MXI1: variants seen among roughly 807,000 people sequenced by gnomAD.
The protein encoded by MXI1 is MAX interactor 1, dimerization protein.
MXI1 carries 18 observed loss-of-function variants against 36.9 expected under a neutral mutation model. The ratio of observed to expected loss-of-function variants is 0.49; its 90% CI spans 0.34 to 0.72. The LOEUF (loss-of-function observed/expected upper bound fraction) is 0.72. Ranked by LOEUF, MXI1 falls within the 30% of genes least tolerant of loss-of-function variation. The pLI is 0.01. For missense variants in MXI1, 304 were observed against 379.1 expected (o/e 0.80, Z 1.64); for synonymous variants, 160 against 146.7 (o/e 1.09, Z -0.65).
chr10:110,233,251 A>T (rs1413829280), intron 2 of MXI1, among the ~76,000 whole-genome samples: 1 of 152,208 alleles, frequency 6.6e-6, no homozygotes, highest in Non-Finnish European at 1.5e-5. Context: ...AAACTGTAGA[A>T]TAAAGAAATG....
Position 110,228,272 on chromosome 10 carries a change from C to G in MXI1, c.358C>G (p.Arg120Gly). The G allele has an allele frequency of 6.2e-7, 1 of 1,614,132 alleles. No individual in the cohort carries two copies. The highest frequency in any genetic ancestry group is 8.5e-7 in the Non-Finnish European group (1 of 1,180,028). The change falls in exon 2 of 6, where the codon CGG (arginine) becomes GGG (glycine). Residue 120 changes from arginine to glycine, a missense_variant. Coordinates refer to ENST00000332674, the MANE Select transcript of MXI1 (RefSeq NM_130439.3). The part of the protein sequence containing the change: ...QHSKPPRRLS[R>G]AQKHSSGSSN... Reference sequence around the variant, plus strand: ...TTCAAAGCCCCCACGGAGGTTGAGCCGGGCACAGAAACACAGCAGCGGGAG... The same window carrying G: ...TTCAAAGCCCCCACGGAGGTTGAGCGGGGCACAGAAACACAGCAGCGGGAG...
At chr10:110,276,520 C>G (rs1262631015) in intron 3 of MXI1, among the ~76,000 whole-genome samples, 1 of 152,114 alleles carries the variant, frequency 6.6e-6, no homozygotes, top group African/African-American at 2.4e-5. Flanking sequence ...TTCTGTTGTC[C>G]TTGATATCTG....
At chr10:110,230,308 T>A (rs1226622741) in intron 2 of MXI1, among the ~76,000 whole-genome samples, 1 of 152,208 alleles carries the variant, frequency 6.6e-6, no homozygotes, top group Non-Finnish European at 1.5e-5. Flanking sequence ...AGTGTCTCTG[T>A]TAGGATTCTA....
At chr10:110,208,818 CG>C (rs1347559686) in intron 1 of MXI1, among the ~76,000 whole-genome samples, 7 of 151,902 alleles carry the variant, frequency 4.6e-5, no homozygotes, top group African/African-American at 1.5e-4. Context: ...GTCCTGAGCC[CG>C]GGAAACTTGG....
intron 3 of MXI1, chr10:110,256,969 A>G (rs889798168): frequency 6.6e-6 from 1 of 152,232 alleles, no homozygotes; most frequent in African/African-American, 2.4e-5. Flanking sequence ...TGGTATGAGT[A>G]TTTAATAATG....
intron 3 of MXI1, among the ~76,000 whole-genome samples, chr10:110,263,597 T>C (rs80035400): frequency 5.9e-4 from 90 of 152,310 alleles, no homozygotes; most frequent in Non-Finnish European, 1.2e-3. Context: ...TGAAAACCTT[T>C]CCTTAGAATT....
chr10:110,225,891 C>T (rs1385467106), intron 1 of MXI1: 14 of 551,014 alleles, frequency 2.5e-5, no homozygotes, highest in Non-Finnish European at 3.2e-5. Flanking sequence ...TCCCGGCAGC[C>T]GCGGGCGGGT....
At position 110,286,135 on chromosome 10, in the gene MXI1, A is replaced by G. The variant is rs563145045; in HGVS notation, c.*1148A>G. On this transcript the variant is annotated 3_prime_UTR_variant, in exon 6 of 6. Coordinates refer to ENST00000332674, the MANE Select transcript of MXI1 (RefSeq NM_130439.3). ...GTTTTTAGAATCATTACCTTTTACCAGCTTTTAACCATCTGATATCTATAG... is the reference window on the plus strand; with the variant it reads ...GTTTTTAGAATCATTACCTTTTACCGGCTTTTAACCATCTGATATCTATAG... The G allele has an allele frequency of 2.0e-5, 3 of 152,730 alleles. No homozygotes were observed. In the South Asian group the frequency reaches 6.2e-4, roughly 32 times the overall value. The allele number at this position is 152,730 out of a possible 1,614,324, so 9.5% of individuals were successfully genotyped here.
At position 110,264,938 on chromosome 10, in the gene MXI1, T is replaced by C. The variant is rs900553858; in HGVS notation, c.438-14242T>C. On this transcript the variant is annotated intron_variant, in intron 3 of 5. Coordinates refer to ENST00000332674, the MANE Select transcript of MXI1 (RefSeq NM_130439.3). ...TGGTTAGTGCTTTATGTTAAAAATTTTTTTTTTTTCAAATGGTGGTCCTCG... is the reference window on the plus strand; with the variant it reads ...TGGTTAGTGCTTTATGTTAAAAATTCTTTTTTTTTCAAATGGTGGTCCTCG... Among the ~76,000 whole-genome samples, 7 of 152,192 alleles carry C rather than the reference T, an allele frequency of 4.6e-5. No individual in the cohort carries two copies. The South Asian group carries it at 1.4e-3, about 31-fold the overall frequency.
intron 1 of MXI1, chr10:110,227,239 C>G: frequency 3.6e-6 from 2 of 553,680 alleles, no homozygotes; most frequent in Non-Finnish European, 4.1e-6. Context: ...GGATGGTGCG[C>G]GGGGGGGAGG....
At chr10:110,264,363 A>C (rs1424045125) in intron 3 of MXI1, among the ~76,000 whole-genome samples, 1 of 147,642 alleles carries the variant, frequency 6.8e-6, no homozygotes, top group East Asian at 2.0e-4. Flanking sequence ...ATATATTAGT[A>C]ATTGATTTTT....
chr10:110,274,576 T>C (rs1350561202), intron 3 of MXI1, among the ~76,000 whole-genome samples: 1 of 152,224 alleles, frequency 6.6e-6, no homozygotes, highest in Non-Finnish European at 1.5e-5. Flanking sequence ...ATGTGTTAAA[T>C]AAAAATAAAG....
chr10:110,209,056 C>A (rs1854440323), intron 1 of MXI1, among the ~76,000 whole-genome samples: 1 of 110,144 alleles, frequency 9.1e-6, no homozygotes. Context: ...GTGCTGGGAA[C>A]CCCACCCTGG....
In MXI1 at chr10:110,285,055, A is replaced by C. The variant is rs912760686; in HGVS notation, c.*68A>C. ...GCCAATTCAATACAAACAATCTCTTAAATTGGGTTCATGATGCAGTCTCCT... is the reference window on the plus strand; with the variant it reads ...GCCAATTCAATACAAACAATCTCTTCAATTGGGTTCATGATGCAGTCTCCT... On this transcript the variant is annotated 3_prime_UTR_variant, in exon 6 of 6. Coordinates refer to ENST00000332674, the MANE Select transcript of MXI1 (RefSeq NM_130439.3). 6.9e-7 allele frequency: 1 copy of C among 1,455,108 alleles called. No individual in the cohort carries two copies. The highest frequency in any genetic ancestry group is 1.4e-5 in the African/African-American group (1 of 69,940). The allele number at this position is 1,455,108 out of a possible 1,614,324, so 90.1% of individuals were successfully genotyped here. A position where few individuals can be genotyped will look rare whatever the true frequency, so the allele number is the denominator to read the frequency against.
At chr10:110,218,777 G>C (rs1256040199) in intron 1 of MXI1, among the ~76,000 whole-genome samples, 1 of 152,150 alleles carries the variant, frequency 6.6e-6, no homozygotes, top group Non-Finnish European at 1.5e-5. Context: ...GGCTTATTAG[G>C]CTTCCTGGAG....
chr10:110,255,344 C>T (rs1415464983), intron 3 of MXI1, among the ~76,000 whole-genome samples: 2 of 152,170 alleles, frequency 1.3e-5, no homozygotes, highest in Non-Finnish European at 2.9e-5. Context: ...CGACAATACA[C>T]CTGGTTACCC....
At chr10:110,260,228 A>G (rs1416913845) in intron 3 of MXI1, among the ~76,000 whole-genome samples, 2 of 152,068 alleles carry the variant, frequency 1.3e-5, no homozygotes, top group Non-Finnish European at 2.9e-5. Context: ...TGAATGTTGT[A>G]TAAGTTAAAC....
At chr10:110,251,591 A>T (rs992823772) in intron 3 of MXI1, among the ~76,000 whole-genome samples, 9 of 152,178 alleles carry the variant, frequency 5.9e-5, no homozygotes, top group Non-Finnish European at 1.0e-4. Flanking sequence ...TGAAGAAAAT[A>T]CCAAAGTACA....
intron 1 of MXI1, among the ~76,000 whole-genome samples, chr10:110,221,201 A>G (rs1854798173): frequency 6.6e-6 from 1 of 152,222 alleles, no homozygotes; most frequent in Non-Finnish European, 1.5e-5. Flanking sequence ...ATTTAAAGGA[A>G]TGGGCCCCAC....
Sources: gnomAD v4.1 joint callset for allele counts (sites outside exome capture counted in the v4.1 genomes callset) on GRCh38, gnomAD v4.1.1 for gene constraint, MANE v1.5 for transcripts, NCBI Gene and HGNC (gene_info 2026-07-23, HGNC 2026-07-21) for gene names.